Variants in CTIF observed in about 807,000 individuals in gnomAD.
CTIF encodes CBP80/20-dependent translation initiation factor.
In CTIF, 21 loss-of-function variants were observed where a neutral mutation model predicts 66.0. The observed-to-expected ratio is 0.32, with a 90% CI of 0.23 to 0.46. The LOEUF is 0.46. Ranked by LOEUF, CTIF falls within the 20% of genes least tolerant of loss-of-function variation. The pLI, the probability that CTIF is intolerant of heterozygous loss-of-function variation, is 1.00. For synonymous variants in CTIF, 345 were observed against 326.4 expected (o/e 1.06, Z -0.62); for missense variants, 739 against 812.7 (o/e 0.91, Z 1.10).
At chr18:48,550,382 G>C (rs1334006675) in intron 1 of CTIF, among the ~76,000 whole-genome samples, 1 of 152,216 alleles carries the variant, frequency 6.6e-6, no homozygotes, top group South Asian at 2.1e-4. Flanking sequence ...CTCAGCTGTG[G>C]CCTGCACATT....
intron 7 of CTIF, among the ~76,000 whole-genome samples, chr18:48,743,074 T>C (rs1157099581): frequency 6.6e-6 from 1 of 152,248 alleles, no homozygotes; most frequent in African/African-American, 2.4e-5. Context: ...AGAACACTGA[T>C]ATTAAAAGGC....
chr18:48,837,878 G>C lies in CTIF; in HGVS notation c.1528-19710G>C, dbSNP rs151182513. Among the ~76,000 whole-genome samples the C allele has an allele frequency of 2.4e-3, 367 of 152,296 alleles. 1 individual carries two copies. The highest frequency in any genetic ancestry group is 8.4e-3 in the African/African-American group (351 of 41,554). On this transcript the variant is annotated intron_variant, in intron 10 of 11. Coordinates refer to ENST00000256413, the MANE Select transcript of CTIF (RefSeq NM_014772.3). ...TGTCCCAGCAGCCCTGGGCAACTGG[G>C]TGACTGCGAGGCTAAGAATCCCCCA...
At position 48,743,837 on chromosome 18, in the gene CTIF, A is replaced by G. The variant is rs1568182253; in HGVS notation, c.585-14082A>G. On this transcript the variant is annotated intron_variant, in intron 7 of 11. Transcript: ENST00000256413. ...AAGAGAAACTATTATGGTGAGAGGA[A>G]TTCTCAAATCCCAAAGAGTCAAGCA... Among the ~76,000 whole-genome samples the G allele has an allele frequency of 2.6e-5, 4 of 152,226 alleles. No homozygotes were observed. The South Asian group carries it at 8.3e-4, about 31-fold the overall frequency.
intron 9 of CTIF, among the ~76,000 whole-genome samples, chr18:48,806,262 A>G (rs926927805): frequency 2.0e-5 from 3 of 152,246 alleles, no homozygotes; most frequent in Non-Finnish European, 2.9e-5. Flanking sequence ...AAGCCATGCA[A>G]CCAATTGCCC....
At chr18:48,714,161 G>A (rs1311196763) in intron 7 of CTIF, among the ~76,000 whole-genome samples, 1 of 152,212 alleles carries the variant, frequency 6.6e-6, no homozygotes, top group African/African-American at 2.4e-5. Context: ...CCCAGCTAAT[G>A]ACCCATAGTA....
chr18:48,670,893 G>A (rs1344064993), intron 6 of CTIF, 149 bp downstream of exon 6: 2 of 645,184 alleles, frequency 3.1e-6, no homozygotes, highest in Non-Finnish European at 2.7e-6. Flanking sequence ...AGGCAGGGCT[G>A]GCTACCTGCC....
intron 1 of CTIF, among the ~76,000 whole-genome samples, chr18:48,576,585 T>G (rs1219897277): frequency 1.3e-5 from 2 of 152,234 alleles, no homozygotes; most frequent in African/African-American, 4.8e-5. Context: ...GAATGGAGGT[T>G]CTTTTTCCAG....
chr18:48,591,892 C>T (rs1236038776), intron 1 of CTIF, among the ~76,000 whole-genome samples: 1 of 152,214 alleles, frequency 6.6e-6, no homozygotes, highest in African/African-American at 2.4e-5. Flanking sequence ...GTACTGCAGG[C>T]ATGCACCACC....
chr18:48,668,213 T>C (rs2091467161), intron 5 of CTIF, among the ~76,000 whole-genome samples: 1 of 152,064 alleles, frequency 6.6e-6, no homozygotes, highest in Non-Finnish European at 1.5e-5. Flanking sequence ...GTGTTTGGAG[T>C]GTGCTAGGCT....
chr18:48,771,821 C>T (rs922855085), intron 9 of CTIF, among the ~76,000 whole-genome samples: 2 of 152,222 alleles, frequency 1.3e-5, no homozygotes, highest in Non-Finnish European at 2.9e-5. Context: ...GGCCCCCAGC[C>T]GCCGCGGGGA....
At chr18:48,637,997 T>C (rs577843144) in intron 3 of CTIF, among the ~76,000 whole-genome samples, 2 of 152,256 alleles carry the variant, frequency 1.3e-5, no homozygotes, top group South Asian at 4.2e-4. Flanking sequence ...GCCACTTGTC[T>C]GCCCTCCTCC....
rs576873252 is a variant in CTIF, at chr18:48,581,786, C to T, written c.-28-37752C>T. Among the ~76,000 whole-genome samples, 729 of 152,230 alleles carry T rather than the reference C, an allele frequency of 4.8e-3. 2 individuals carry two copies. The highest frequency in any genetic ancestry group is 6.9e-3 in the Non-Finnish European group (469 of 68,020). ...CGTGGCACCAGGGAGGTGTTATTAT[C>T]GGTCATAGCAAGGCAGGGAGGGACA... On this transcript the variant is annotated intron_variant, in intron 1 of 11. Transcript: ENST00000256413.
At position 48,817,690 on chromosome 18, in the gene CTIF, T is replaced by G. The variant is rs554015440; in HGVS notation, c.1527+314T>G. 6.0e-3 allele frequency among the ~76,000 whole-genome samples: 908 copies of G among 151,758 alleles called. 7 individuals carry two copies. The highest frequency in any genetic ancestry group is 0.021 in the African/African-American group (870 of 41,348). On this transcript the variant is annotated intron_variant, in intron 10 of 11. Coordinates refer to ENST00000256413, the MANE Select transcript of CTIF (RefSeq NM_014772.3). The stretch of plus-strand genomic sequence containing the variant: ...ACTCGGGAGGCTGAGGCAGGAGAAT[T>G]GCTTGAACCTGGGAGGTGGAGACTG...
chr18:48,843,385 C>A (rs576117729), intron 10 of CTIF, among the ~76,000 whole-genome samples: 1 of 152,232 alleles, frequency 6.6e-6, no homozygotes, highest in South Asian at 2.1e-4. Context: ...CTGTTCCCTG[C>A]GGAGTGGGGA....
chr18:48,611,426 C>G (rs779887634), intron 1 of CTIF, among the ~76,000 whole-genome samples: 6 of 152,270 alleles, frequency 3.9e-5, no homozygotes, highest in Non-Finnish European at 8.8e-5. Context: ...AGGAGCCGCC[C>G]CTTCACCAGA....
chr18:48,623,869 A>C (rs982869040), intron 2 of CTIF, among the ~76,000 whole-genome samples: 4 of 148,948 alleles, frequency 2.7e-5, no homozygotes, highest in Non-Finnish European at 4.4e-5. Flanking sequence ...GGATGGATGG[A>C]TGGATGGCTG....
chr18:48,699,148 C>T (rs976677114), intron 6 of CTIF, among the ~76,000 whole-genome samples: 2 of 151,240 alleles, frequency 1.3e-5, no homozygotes, highest in African/African-American at 2.4e-5. Flanking sequence ...TCCTGGTGCC[C>T]GACGGCCCCA....
intron 6 of CTIF, among the ~76,000 whole-genome samples, chr18:48,709,566 G>A (rs535546104): frequency 7.7e-4 from 118 of 152,352 alleles, no homozygotes; most frequent in African/African-American, 2.7e-3. Flanking sequence ...CCTAGTCCCT[G>A]CCGCCGCCGG....
chr18:48,705,447 GACTT>G (rs1360439297), intron 6 of CTIF, among the ~76,000 whole-genome samples: 12 of 152,188 alleles, frequency 7.9e-5, no homozygotes, highest in Non-Finnish European at 1.6e-4. Context: ...AATCCCACAG[GACTT>G]ACTTCATCAT....
Sources: allele counts gnomAD v4.1 joint callset (sites outside exome capture counted in the v4.1 genomes callset), GRCh38; gene constraint gnomAD v4.1.1; transcripts MANE v1.5; gene names NCBI Gene and HGNC (gene_info 2026-07-23, HGNC 2026-07-21).